The following RELT variants were observed in gnomAD, a reference collection of about 807,000 sequenced individuals.
The protein encoded by RELT is RELT TNF receptor.
In RELT, 37 loss-of-function variants were observed where a neutral mutation model predicts 51.1. That is an observed-to-expected ratio of 0.72 (90% CI 0.56 to 0.95). The LOEUF is 0.95. Among genes scored for constraint, RELT ranks in the 40% least tolerant of loss-of-function variants. RELT has a pLI of 0.00. For synonymous variants in RELT, 241 were observed against 235.7 expected (o/e 1.02, Z -0.21); for missense variants, 535 against 572.6 (o/e 0.93, Z 0.67).
At chr11:73,386,383 C>T (rs1866123968) in intron 1 of RELT, among the ~76,000 whole-genome samples, 1 of 152,220 alleles carries the variant, frequency 6.6e-6, no homozygotes, top group Non-Finnish European at 1.5e-5. Flanking sequence ...GGGCTTCCAT[C>T]TAACTGTTTT....
intron 1 of RELT, among the ~76,000 whole-genome samples, chr11:73,377,901 T>A (rs1372216831): frequency 1.3e-5 from 2 of 152,156 alleles, no homozygotes; most frequent in African/African-American, 4.8e-5. Flanking sequence ...CAGGGGCTAC[T>A]GATAGGGTTG....
chr11:73,391,653 G>A (rs890333255), intron 5 of RELT, among the ~76,000 whole-genome samples: 3 of 152,096 alleles, frequency 2.0e-5, no homozygotes, highest in Non-Finnish European at 2.9e-5. Context: ...AAAATTAGCC[G>A]GGCGTGGTGG....
At position 73,393,840 on chromosome 11, in the gene RELT, T is replaced by G. The variant is rs923377069; in HGVS notation, c.629T>G (p.Ile210Ser). The change falls in exon 7 of 11, where the codon ATC becomes AGC. Residue 210 changes from isoleucine (I) to serine (S), a missense_variant. Transcript: ENST00000064780. The part of the protein sequence containing the change: ...GPGPGGGGSG[I>S]NPAYRTEDAN... ...TCAGGGCCCTTCTCTTCCCCAGGAA[T>G]CAACCCTGCCTACCGGACTGAGGAT... The G allele has an allele frequency of 1.2e-6, 2 of 1,613,944 alleles. No individual in the cohort carries two copies. Among genetic ancestry groups the G allele is most frequent in the East Asian group, 2.2e-5 (1 of 44,876 alleles).
chr11:73,390,204 GT>G lies in RELT; in HGVS notation c.46-346del, dbSNP rs1866187695. Among the ~76,000 whole-genome samples the G allele has an allele frequency of 3.9e-5, 6 of 152,248 alleles. 1 individual carries two copies. Among genetic ancestry groups the G allele is most frequent in the Admixed American group, 6.5e-5 (1 of 15,300 alleles). On this transcript the variant is annotated intron_variant, in intron 2 of 10. Coordinates refer to ENST00000064780, the MANE Select transcript of RELT (RefSeq NM_152222.2). ...AGGGATGGACCCAAAGTAGGAGGAAGTGGGGGCAGAATACGAGAGAGGATTC... is the reference window on the plus strand; with the variant it reads ...AGGGATGGACCCAAAGTAGGAGGAAGGGGGGCAGAATACGAGAGAGGATTC...
Position 73,389,164 on chromosome 11 carries a change from C to G in RELT, c.28C>G (p.Leu10Val). ...GAAGCCAAGTCTGCTGTGCCGGCCC[C>G]TGTCCTGCTTCCTTATGGTGAGCTG... Reference protein sequence around the residue: MKPSLLCRPLSCFLMLLPWP... With the variant: MKPSLLCRPVSCFLMLLPWP... The change falls in exon 2 of 11, where the codon CTG becomes GTG. Residue 10 changes from leucine (L) to valine (V), a missense_variant. Transcript: ENST00000064780. 6.4e-7 allele frequency: 1 copy of G among 1,550,468 alleles called. No individual in the cohort carries two copies. Among genetic ancestry groups the G allele is most frequent in the Admixed American group, 1.9e-5 (1 of 51,470 alleles).
intron 1 of RELT, among the ~76,000 whole-genome samples, chr11:73,380,265 C>T (rs192768283): frequency 3.3e-5 from 5 of 152,312 alleles, no homozygotes; most frequent in East Asian, 3.9e-4. Context: ...TGGGAGGCAC[C>T]GGGAGATTTG....
At position 73,394,916 on chromosome 11, in the gene RELT, C is replaced by T. The variant is rs1179076311; in HGVS notation, c.1047-171C>T. ...TCAGGACTTTCCGGTTATGTTGTGT[C>T]TCACATGGAGCCCTTGCATCCCTAG... On this transcript the variant is annotated intron_variant, in intron 9 of 10. Coordinates refer to ENST00000064780, the MANE Select transcript of RELT (RefSeq NM_152222.2). The surrounding 1 kb of genome is among the most constrained non-coding windows in gnomAD (Gnocchi z 4.9). 2.6e-5 allele frequency: 23 copies of T among 897,874 alleles called. No homozygotes were observed. The highest frequency in any genetic ancestry group is 3.7e-5 in the Non-Finnish European group (22 of 596,860). The allele number at this position is 897,874 out of a possible 1,614,324, so 55.6% of individuals were successfully genotyped here. A position where few individuals can be genotyped will look rare whatever the true frequency, so the allele number is the denominator to read the frequency against.
In RELT at chr11:73,392,426, G is replaced by T; in HGVS notation, c.583G>T (p.Ala195Ser). The T allele has an allele frequency of 6.2e-7, 1 of 1,613,598 alleles. No individual in the cohort carries two copies. Among genetic ancestry groups the T allele is most frequent in the Non-Finnish European group, 8.5e-7 (1 of 1,179,938 alleles). Residue 195 changes from alanine (A) to serine (S), a missense_variant, in exon 6 of 11, where the codon GCG becomes TCG. By Grantham distance (99) the Ala-to-Ser change is moderately conservative (BLOSUM62 1). Coordinates refer to ENST00000064780, the MANE Select transcript of RELT (RefSeq NM_152222.2). Reference sequence around the variant, plus strand: ...CAAGCGGAAGGGCTACCACTGCACGGCGCACAAGGAGGTCGGGCCCGGCCC... The same window carrying T: ...CAAGCGGAAGGGCTACCACTGCACGTCGCACAAGGAGGTCGGGCCCGGCCC... ...LLKRKGYHCT[A>S]HKEVGPGPGG...
intron 6 of RELT, chr11:73,392,814 C>T: frequency 1.7e-6 from 2 of 1,205,480 alleles, no homozygotes; most frequent in African/African-American, 1.5e-5. Flanking sequence ...GACCTCTGAC[C>T]TCTGGCCTGG....
chr11:73,390,483 G>A (rs143261296), intron 2 of RELT, 68 bp from the exon 3 acceptor site: 33 of 1,427,354 alleles, frequency 2.3e-5, no homozygotes, highest in Non-Finnish European at 3.1e-5. Context: ...AATAGGTGGG[G>A]GATAGATGAC....
chr11:73,390,619 C>G lies in RELT; in HGVS notation c.114C>G (p.Pro38=). Residue 38 remains proline, a synonymous_variant, in exon 3 of 11, where the codon CCC becomes CCG. Transcript: ENST00000064780. ...TLWQCPPGEE[P]DLDPGQGTLC... ...GGCAGTGCCCACCTGGGGAGGAGCC[C>G]GACCTGGTGAGCATTGCCCTGCTCT... 1 of 1,613,798 alleles carries G rather than the reference C, an allele frequency of 6.2e-7. No homozygotes were observed. Among genetic ancestry groups the G allele is most frequent in the Non-Finnish European group, 8.5e-7 (1 of 1,179,938 alleles).
chr11:73,395,061 G>A, intron 9 of RELT, 26 bp from the exon 10 acceptor site: 1 of 1,591,914 alleles, frequency 6.3e-7, no homozygotes, highest in Non-Finnish European at 8.6e-7. Flanking sequence ...CCGCTAACGG[G>A]GATGATTGCC....
rs760857700 is a variant in RELT at position 73,390,816 on chromosome 11, G to A, written c.182G>A (p.Gly61Asp). ...CPPGTFSAAW[G>D]SSPCQPHARC... ...CCAGGCACCTTCTCAGCTGCATGGG[G>A]CTCCAGCCCATGCCAGCCCCATGCC... The change falls in exon 4 of 11, where the codon GGC becomes GAC. Residue 61 changes from glycine (G) to aspartate (D), a missense_variant. Transcript: ENST00000064780. 1.9e-6 allele frequency: 3 copies of A among 1,612,424 alleles called. No individual in the cohort carries two copies. Among genetic ancestry groups the A allele is most frequent in the Non-Finnish European group, 2.5e-6 (3 of 1,179,656 alleles).
chr11:73,395,008 T>G, intron 9 of RELT, 79 bp from the exon 10 acceptor site: 1 of 1,291,140 alleles, frequency 7.7e-7, no homozygotes, highest in East Asian at 2.3e-5. Context: ...GAACTTGCTG[T>G]GTGACCCCGG....
chr11:73,390,708 C>T, intron 3 of RELT, 47 bp from the exon 4 acceptor site: 1 of 1,608,972 alleles, frequency 6.2e-7, no homozygotes. Flanking sequence ...CCCCAAGGGT[C>T]CTCAGGCTTG....
chr11:73,394,700 C>T lies in RELT; in HGVS notation c.1012C>T (p.Arg338Cys), dbSNP rs754537199. Residue 338 changes from arginine (R) to cysteine (C), a missense_variant, in exon 9 of 11, where the codon CGT becomes TGT. Arg to Cys is a radical substitution (Grantham distance 180, BLOSUM62 -3). Transcript: ENST00000064780. The surrounding 1 kb of genome is among the most constrained non-coding windows in gnomAD (Gnocchi z 4.9). Reference protein sequence around the residue: ...RVPKAGAKAGRQGEITILSVG... With the variant: ...RVPKAGAKAGCQGEITILSVG... ...TCCCAAGGCCGGGGCCAAGGCAGGG[C>T]GTCAGGGCGAGATCACCATCTTGTC... 8.1e-6 allele frequency: 13 copies of T among 1,612,316 alleles called. No homozygotes were observed. The highest frequency in any genetic ancestry group is 3.3e-5 in the Admixed American group (2 of 60,016).
At chr11:73,379,024 T>C (rs1866010637) in intron 1 of RELT, among the ~76,000 whole-genome samples, 1 of 152,194 alleles carries the variant, frequency 6.6e-6, no homozygotes, top group Non-Finnish European at 1.5e-5. Flanking sequence ...CCCTACTCTC[T>C]CTGGGCCTCG....
chr11:73,394,459 T>TGCCTGTGCCCCCTGCAGGCTGCC lies in RELT; in HGVS notation c.789-14_797dup, dbSNP rs1279167731. On this transcript the variant is annotated splice_polypyrimidine_tract_variant and intron_variant, in intron 8 of 10. Coordinates refer to ENST00000064780, the MANE Select transcript of RELT (RefSeq NM_152222.2). This position sits in a 1 kb window ranked among gnomAD's most constrained non-coding sequence, Gnocchi z 4.9. ...CCCTGGCCTGGCCTATGGCCACTTC[T>TGCCTGTGCCCCCTGCAGGCTGCC]GCCTGTGCCCCCTGCAGGCTGCCGC... is the stretch of plus-strand genomic sequence containing the variant. 1 of 1,609,504 alleles carries TGCCTGTGCCCCCTGCAGGCTGCC rather than the reference T, an allele frequency of 6.2e-7. No homozygotes were observed. Among genetic ancestry groups the TGCCTGTGCCCCCTGCAGGCTGCC allele is most frequent in the South Asian group, 1.1e-5 (1 of 90,968 alleles).
chr11:73,385,801 A>T (rs1433225126), intron 1 of RELT, among the ~76,000 whole-genome samples: 7 of 152,158 alleles, frequency 4.6e-5, no homozygotes, highest in Admixed American at 4.6e-4. Context: ...CCAAGGCGAG[A>T]GGATCGCTTG....
Sources: gnomAD v4.1 joint callset for allele counts (sites outside exome capture counted in the v4.1 genomes callset) on GRCh38, gnomAD v4.1.1 for gene constraint, Gnocchi (gnomAD v3.1) non-coding constraint, MANE v1.5 for transcripts, NCBI Gene and HGNC (gene_info 2026-07-23, HGNC 2026-07-21) for gene names.